Variants in VPS13A observed in about 807,000 individuals in gnomAD.
VPS13A encodes the protein vacuolar protein sorting 13 homolog A.
VPS13A carries 264 observed loss-of-function variants against 390.9 expected under a neutral mutation model. The ratio of observed to expected loss-of-function variants is 0.68; its 90% CI spans 0.61 to 0.75. VPS13A has a LOEUF of 0.75. Among genes scored for constraint, VPS13A ranks in the 30% least tolerant of loss-of-function variants. The pLI, the probability that VPS13A is intolerant of heterozygous loss-of-function variation, is 0.00. For synonymous variants in VPS13A, 1,231 were observed against 1,227.1 expected (o/e 1.00, Z -0.07); for missense variants, 3,409 against 3,733.9 (o/e 0.91, Z 2.27).
Position 77,321,340 on chromosome 9 carries a change from A to G in VPS13A, c.5574+13A>G. 6.3e-7 allele frequency: 1 copy of G among 1,598,144 alleles called. No individual in the cohort carries two copies. ...CAATTTAGTCAAGGTAAGAAAAGAA[A>G]TTTGAAACTTTAAATATTGAGATAC... On this transcript the variant is annotated intron_variant, in intron 43 of 71. Coordinates refer to ENST00000360280, the MANE Select transcript of VPS13A (RefSeq NM_033305.3).
rs1424894510 is a variant in VPS13A, at chr9:77,337,394, A to G, written c.6235A>G (p.Ile2079Val). 1.2e-6 allele frequency: 2 copies of G among 1,612,770 alleles called. No homozygotes were observed. The highest frequency in any genetic ancestry group is 8.5e-7 in the Non-Finnish European group (1 of 1,178,952). ...AAACCCTTCTAAGGAATCATTTCTC[A>G]TTAATATTGTTCCAGAAAAAGATAA... ...SKNPSKESFL[I>V]NIVPEKDNLT... The change falls in exon 47 of 72, where the codon ATT becomes GTT. Residue 2079 changes from isoleucine to valine, a missense_variant. By Grantham distance (29) the Ile-to-Val change is conservative. Around this residue, in one of 5 missense-constraint regions of VPS13A, gnomAD observed 2,717 missense variants for 2,917.4 expected, o/e 0.93. Coordinates refer to ENST00000360280, the MANE Select transcript of VPS13A (RefSeq NM_033305.3).
At chr9:77,395,091 A>G (rs1716913279) in intron 68 of VPS13A, among the ~76,000 whole-genome samples, 1 of 152,124 alleles carries the variant, frequency 6.6e-6, no homozygotes, top group African/African-American at 2.4e-5. Context: ...TTTGCATTCA[A>G]GATTGGCTGT....
At chr9:77,198,663 C>G (rs1364305953) in intron 1 of VPS13A, among the ~76,000 whole-genome samples, 1 of 151,754 alleles carries the variant, frequency 6.6e-6, no homozygotes, top group East Asian at 1.9e-4. Flanking sequence ...CTCTCTCTTT[C>G]TCTCTATTTA....
chr9:77,303,132 A>C (rs981030873), intron 34 of VPS13A, 70 bp downstream of exon 34: 1 of 1,533,710 alleles, frequency 6.5e-7, no homozygotes, highest in Admixed American at 1.7e-5. Context: ...GACATAAGGC[A>C]TCATTTGAGT....
Position 77,283,576 on chromosome 9 carries a change from T to A in VPS13A, c.3265T>A (p.Ser1089Thr), listed in dbSNP as rs1564694065. The change falls in exon 31 of 72, where the codon TCA (serine) becomes ACA (threonine). Residue 1089 changes from serine to threonine, a missense_variant. Physicochemically the swap from Ser to Thr is moderately conservative, Grantham distance 58. Around this residue, in one of 5 missense-constraint regions of VPS13A, gnomAD observed 2,717 missense variants for 2,917.4 expected, o/e 0.93. Transcript: ENST00000360280. ...GLDSEMIMRP[S>T]ETEINAKLRN... ...TGATTCTGAGATGATTATGAGGCCT[T>A]CAGAAACTGAAATAAACGCAAAGCT... is the stretch of plus-strand genomic sequence containing the variant. 6.2e-7 allele frequency: 1 copy of A among 1,613,540 alleles called. No homozygotes were observed. The highest frequency in any genetic ancestry group is 8.5e-7 in the Non-Finnish European group (1 of 1,179,698).
At chr9:77,180,626 G>A (rs1823955058) in intron 1 of VPS13A, among the ~76,000 whole-genome samples, 1 of 152,064 alleles carries the variant, frequency 6.6e-6, no homozygotes, top group East Asian at 1.9e-4. Flanking sequence ...GAAGGTTGAG[G>A]TTCATTTGTT....
At chr9:77,209,228 T>C (rs1227241407) in intron 5 of VPS13A, among the ~76,000 whole-genome samples, 195 bp from the exon 6 acceptor site, 1 of 152,230 alleles carries the variant, frequency 6.6e-6, no homozygotes, top group Admixed American at 6.5e-5. Flanking sequence ...TGCTTTAGTC[T>C]CATGGCACAA....
chr9:77,353,963 T>C (rs915889386), intron 54 of VPS13A, among the ~76,000 whole-genome samples: 3 of 152,106 alleles, frequency 2.0e-5, no homozygotes, highest in Non-Finnish European at 4.4e-5. Flanking sequence ...CTAGCACAGT[T>C]CAGGGTACAT....
At chr9:77,346,079 T>G (rs1241370127) in intron 52 of VPS13A, among the ~76,000 whole-genome samples, 1 of 152,198 alleles carries the variant, frequency 6.6e-6, no homozygotes. Context: ...TTTTAGTTCT[T>G]TAAGGAATCT....
intron 41 of VPS13A, 87 bp downstream of exon 41, chr9:77,318,678 TC>T (rs1829549058): frequency 7.9e-7 from 1 of 1,260,388 alleles, no homozygotes; most frequent in African/African-American, 1.5e-5. Context: ...TATTATGGAA[TC>T]TTGTGTAGCT....
rs73449916 is a variant in VPS13A at position 77,330,344 on chromosome 9, T to A, written c.5992-1666T>A. Among the ~76,000 whole-genome samples, 1,199 of 152,246 alleles carry A rather than the reference T, an allele frequency of 7.9e-3. 18 individuals carry two copies. The highest frequency in any genetic ancestry group is 0.027 in the African/African-American group (1,125 of 41,544). On this transcript the variant is annotated intron_variant, in intron 45 of 71. Coordinates refer to ENST00000360280, the MANE Select transcript of VPS13A (RefSeq NM_033305.3). The stretch of plus-strand genomic sequence containing the variant: ...ACTTTTATACAGACGGATGCTTCCT[T>A]TTCCTCTGCTCCCTTAGACTTTTCA...
intron 1 of VPS13A, among the ~76,000 whole-genome samples, chr9:77,197,377 TGTA>T (rs1393503103): frequency 2.0e-5 from 3 of 152,218 alleles, no homozygotes; most frequent in Non-Finnish European, 2.9e-5. Context: ...CTACTGCTAA[TGTA>T]GTGCTATCTG....
intron 56 of VPS13A, 22 bp downstream of exon 56, chr9:77,357,860 G>C: frequency 1.9e-6 from 3 of 1,602,966 alleles, no homozygotes; most frequent in Non-Finnish European, 2.6e-6. Context: ...TGAAAATATA[G>C]GCAAAATTGT....
rs769962967 is a variant in VPS13A, at chr9:77,280,159, A to T, written c.2825A>T (p.Asp942Val). ...EFCLKCPEYL[D>V]ENKKPVYLVT... ...ATAATTTTTAAAAAATTATTTTTAG[A>T]TGAAAACAAGAAACCAGTTTATTTG... Residue 942 changes from aspartate (D) to valine (V), a missense_variant and splice_region_variant, in exon 27 of 72, where the codon GAT becomes GTT. Transcript: ENST00000360280. 5 of 1,604,170 alleles carry T rather than the reference A, an allele frequency of 3.1e-6. No individual in the cohort carries two copies. Among genetic ancestry groups the T allele is most frequent in the Non-Finnish European group, 4.3e-6 (5 of 1,173,826 alleles).
At chr9:77,392,205 A>G (rs1372752997) in intron 68 of VPS13A, among the ~76,000 whole-genome samples, 2 of 152,166 alleles carry the variant, frequency 1.3e-5, no homozygotes, top group African/African-American at 4.8e-5. Context: ...TATTATATGA[A>G]CTTGAAGCAT....
intron 50 of VPS13A, among the ~76,000 whole-genome samples, chr9:77,343,314 T>C (rs1331398179): frequency 6.6e-6 from 1 of 152,208 alleles, no homozygotes; most frequent in Non-Finnish European, 1.5e-5. Flanking sequence ...ATTAATTCCA[T>C]TTTATGGTTG....
intron 26 of VPS13A, among the ~76,000 whole-genome samples, chr9:77,278,921 C>T (rs974686520): frequency 7.9e-5 from 12 of 152,108 alleles, no homozygotes; most frequent in African/African-American, 2.9e-4. Flanking sequence ...GTGTATTTCC[C>T]TAGAGGGAGC....
intron 67 of VPS13A, among the ~76,000 whole-genome samples, chr9:77,378,465 A>T (rs1833233520): frequency 6.6e-6 from 1 of 152,088 alleles, no homozygotes; most frequent in South Asian, 2.1e-4. Context: ...TAGTATTCTC[A>T]TATAATTATT....
intron 1 of VPS13A, chr9:77,178,080 G>A: frequency 2.6e-6 from 1 of 389,124 alleles, no homozygotes; most frequent in Non-Finnish European, 4.9e-6. Context: ...CGTGGGCTCC[G>A]TGGGTCTGGC....
Sources: allele counts gnomAD v4.1 joint callset (sites outside exome capture counted in the v4.1 genomes callset), GRCh38; gene constraint gnomAD v4.1.1; regional missense constraint gnomAD v4.1.1; transcripts MANE v1.5; gene names NCBI Gene and HGNC (gene_info 2026-07-23, HGNC 2026-07-21).